Variants in UROC1 observed in about 807,000 individuals in gnomAD.
UROC1 encodes urocanate hydratase 1, also known as urocanate hydratase.
Under a neutral mutation model 89.5 loss-of-function variants are expected in UROC1, and 79 were observed. The observed-to-expected ratio is 0.88, with a 90% CI of 0.74 to 1.06. The LOEUF (loss-of-function observed/expected upper bound fraction) is 1.06. UROC1 is among the 50% of genes least tolerant of loss of function. UROC1 has a pLI of 0.00. For synonymous variants in UROC1, 361 were observed against 354.8 expected, an observed-to-expected ratio of 1.02 and a Z score of -0.20; for missense variants, 885 against 907.8, an observed-to-expected ratio of 0.97 and a Z score of 0.32.
chr3:126,501,346 G>A (rs1447479809), intron 9 of UROC1, 66 bp from the exon 10 acceptor site: 3 of 1,586,482 alleles, frequency 1.9e-6, no homozygotes, highest in Non-Finnish European at 2.6e-6. Flanking sequence ...AGACACACCT[G>A]CACCCCAGCT....
At position 126,482,330 on chromosome 3, in the gene UROC1, C is replaced by A. The variant is rs377126679; in HGVS notation, c.*15G>T. 3.7e-6 allele frequency: 6 copies of A among 1,610,586 alleles called. No individual in the cohort carries two copies. The highest frequency in any genetic ancestry group is 1.3e-5 in the African/African-American group (1 of 74,860). On this transcript the variant is annotated 3_prime_UTR_variant, in exon 20 of 20. Transcript: ENST00000290868. ...CAGGGAGGAAGGGAGGCAGGGGCCG[C>A]GACTCCTGGCTCCCTCAGAGCTGCA... is the stretch of plus-strand genomic sequence containing the variant.
chr3:126,485,735 C>A (rs1005813130), intron 18 of UROC1, among the ~76,000 whole-genome samples: 6 of 150,812 alleles, frequency 4.0e-5, no homozygotes, highest in Non-Finnish European at 7.4e-5. Flanking sequence ...TGACTCAGAC[C>A]TGGTGGTGCA....
intron 18 of UROC1, among the ~76,000 whole-genome samples, chr3:126,484,334 G>T (rs190672436): frequency 6.6e-6 from 1 of 152,154 alleles, no homozygotes; most frequent in Non-Finnish European, 1.5e-5. Flanking sequence ...ACGAGCTGCT[G>T]CCCTTGAAGC....
In UROC1 at chr3:126,494,426, C is replaced by T. The variant is rs531187762; in HGVS notation, c.1509+1612G>A. On this transcript the variant is annotated intron_variant, in intron 15 of 19. Transcript: ENST00000290868. Reference sequence around the variant, plus strand: ...CTCTGCACTGACCCTGCAGCTCCAGCCTCCGAGTCTTGGCCTTGGCATCTC... The same window carrying T: ...CTCTGCACTGACCCTGCAGCTCCAGTCTCCGAGTCTTGGCCTTGGCATCTC... Among the ~76,000 whole-genome samples the T allele has an allele frequency of 1.2e-4, 18 of 152,328 alleles. No individual in the cohort carries two copies. The South Asian group carries it at 3.7e-3, about 32-fold the overall frequency.
rs754927230 is a variant in UROC1 at position 126,501,213 on chromosome 3, C to T, written c.965+5G>A. On this transcript the variant is annotated splice_donor_5th_base_variant and intron_variant, in intron 10 of 19. Transcript: ENST00000290868. ...GCTGGCCATCAACTCCCAACCCCCA[C>T]TCACCAAAGAGCCACCACGTTGCCA... 6.2e-7 allele frequency: 1 copy of T among 1,614,178 alleles called. No individual in the cohort carries two copies. The highest frequency in any genetic ancestry group is 8.5e-7 in the Non-Finnish European group (1 of 1,179,996).
intron 8 of UROC1, among the ~76,000 whole-genome samples, chr3:126,504,301 G>A (rs1377601017): frequency 3.9e-5 from 6 of 152,234 alleles, no homozygotes; most frequent in Non-Finnish European, 8.8e-5. Context: ...AGGGTGACAC[G>A]GTTCAGCCCC....
intron 19 of UROC1, among the ~76,000 whole-genome samples, chr3:126,483,067 C>G (rs1405938479): frequency 6.6e-6 from 1 of 152,210 alleles, no homozygotes; most frequent in Admixed American, 6.5e-5. Context: ...CCAGCACCCT[C>G]TCTGTCCTCA....
chr3:126,496,006 C>T (rs539189344), intron 15 of UROC1, 32 bp downstream of exon 15: 1 of 1,606,156 alleles, frequency 6.2e-7, no homozygotes, highest in African/African-American at 1.3e-5. Flanking sequence ...ACAGCACAGC[C>T]ACCCCAGCCT....
chr3:126,514,298 T>C (rs967331372), intron 1 of UROC1, among the ~76,000 whole-genome samples: 11 of 152,178 alleles, frequency 7.2e-5, no homozygotes, highest in African/African-American at 2.7e-4. Flanking sequence ...GGATCTGCTG[T>C]TGGATGCCTG....
chr3:126,508,412 G>A lies in UROC1; in HGVS notation c.411+4C>T, dbSNP rs1235603090. 1.9e-6 allele frequency: 3 copies of A among 1,613,752 alleles called. No homozygotes were observed. The South Asian group carries it at 3.3e-5, about 18-fold the overall frequency. ...TGGGGACGAGGCCACACGGTGTGCA[G>A]TACCTGAGCCCAGTTGCTGAACACC... On this transcript the variant is annotated splice_donor_region_variant and intron_variant, in intron 4 of 19. Coordinates refer to ENST00000290868, the MANE Select transcript of UROC1 (RefSeq NM_144639.3).
Position 126,497,941 on chromosome 3 carries a change from G to A in UROC1, c.1438+110C>T, listed in dbSNP as rs557236767. The A allele has an allele frequency of 1.1e-3, 1,741 of 1,589,904 alleles. 3 individuals are homozygous for A. The highest frequency in any genetic ancestry group is 1.3e-3 in the Middle Eastern group (7 of 5,556). On this transcript the variant is annotated intron_variant, in intron 14 of 19. Transcript: ENST00000290868. The stretch of plus-strand genomic sequence containing the variant: ...AGACTCACAAAGTCATCTGCGCCCA[G>A]GTTCCCTCCCAGAATTAGCTAGGTG...
intron 2 of UROC1, among the ~76,000 whole-genome samples, chr3:126,510,256 T>C (rs887808492): frequency 2.6e-5 from 4 of 152,232 alleles, no homozygotes; most frequent in Non-Finnish European, 2.9e-5. Flanking sequence ...CTGTGCACAC[T>C]GTGGTTTGAG....
In UROC1 at chr3:126,509,590, C is replaced by A; in HGVS notation, c.346G>T (p.Ala116Ser). ...MIMNNLDPAV[A>S]QFPQELVTYG... ...TCGGTTTCCCTGGCTATTACCTGGG[C>A]CACGGCAGGATCCAGGTTGTTCATA... The change falls in exon 3 of 20, where the codon GCC (alanine) becomes TCC (serine). Residue 116 changes from alanine (A) to serine (S), a missense_variant. Coordinates refer to ENST00000290868, the MANE Select transcript of UROC1 (RefSeq NM_144639.3). 1.3e-6 allele frequency: 2 copies of A among 1,551,772 alleles called. No individual in the cohort carries two copies. Among genetic ancestry groups the A allele is most frequent in the Non-Finnish European group, 1.7e-6 (2 of 1,147,026 alleles).
rs1560124304 is a variant in UROC1 at position 126,504,012 on chromosome 3, G to A, written c.885C>T (p.Arg295=). 6.2e-7 allele frequency: 1 copy of A among 1,614,154 alleles called. No individual in the cohort carries two copies. The part of the protein sequence containing the change: ...WLMEVTDSLD[R]CIQRLREARK... ...AGCTGTACCTGAGCCTCTGGATGCA[G>A]CGGTCCAAGCTGTCAGTCACTTCCA... Residue 295 remains arginine, a synonymous_variant, in exon 9 of 20, where the codon CGC becomes CGT. Transcript: ENST00000290868.
At chr3:126,494,603 C>T (rs1020552262) in intron 15 of UROC1, among the ~76,000 whole-genome samples, 9 of 152,236 alleles carry the variant, frequency 5.9e-5, no homozygotes, top group African/African-American at 1.7e-4. Flanking sequence ...AGTTCAGACA[C>T]GGTCCATGGC....
chr3:126,504,027 A>G lies in UROC1; in HGVS notation c.870T>C (p.Thr290=). Residue 290 remains threonine, a synonymous_variant, in exon 9 of 20, where the codon ACT becomes ACC. Coordinates refer to ENST00000290868, the MANE Select transcript of UROC1 (RefSeq NM_144639.3). ...TCTGGATGCAGCGGTCCAAGCTGTCAGTCACTTCCATCAGCCAGCCCTGCC... is the reference window on the plus strand; with the variant it reads ...TCTGGATGCAGCGGTCCAAGCTGTCGGTCACTTCCATCAGCCAGCCCTGCC... ...RHRQGWLMEV[T]DSLDRCIQRL... is the part of the protein sequence containing the mutation. 1 of 1,614,108 alleles carries G rather than the reference A, an allele frequency of 6.2e-7. No homozygotes were observed. Among genetic ancestry groups the G allele is most frequent in the Non-Finnish European group, 8.5e-7 (1 of 1,180,016 alleles).
In UROC1 at chr3:126,498,045, C is replaced by T. The variant is rs978976641; in HGVS notation, c.1438+6G>A. On this transcript the variant is annotated splice_donor_region_variant and intron_variant, in intron 14 of 19. Transcript: ENST00000290868. ...CACCCATGGGCATCCCCACCAATGG[C>T]GTCACCTCCATCAGCAATGGCTTCC... 10 of 1,613,910 alleles carry T rather than the reference C, an allele frequency of 6.2e-6. No homozygotes were observed. The highest frequency in any genetic ancestry group is 1.7e-5 in the Admixed American group (1 of 60,012).
intron 18 of UROC1, among the ~76,000 whole-genome samples, chr3:126,486,876 G>A (rs1352509452): frequency 1.4e-4 from 22 of 152,186 alleles, no homozygotes; most frequent in Non-Finnish European, 5.9e-5. Flanking sequence ...CATTTTTTCC[G>A]ATGGGTTAGA....
chr3:126,498,765 C>A (rs1178106711), intron 13 of UROC1, among the ~76,000 whole-genome samples: 3 of 152,176 alleles, frequency 2.0e-5, no homozygotes, highest in African/African-American at 7.2e-5. Context: ...TCACCTCCAT[C>A]TCTCTCTCGT....
Sources: gnomAD v4.1 joint callset for allele counts (sites outside exome capture counted in the v4.1 genomes callset) on GRCh38, gnomAD v4.1.1 for gene constraint, MANE v1.5 for transcripts, NCBI Gene and HGNC (gene_info 2026-07-23, HGNC 2026-07-21) for gene names.